The following SMG6 variants were observed in gnomAD, a reference collection of about 807,000 sequenced individuals.
SMG6 encodes the protein SMG6 nonsense mediated mRNA decay factor.
A neutral mutation model predicts 142.2 loss-of-function variants in SMG6; 66 were observed. The ratio of observed to expected loss-of-function variants is 0.46; its 90% CI spans 0.38 to 0.57. The LOEUF is 0.57. Among genes scored for constraint, SMG6 ranks in the 20% least tolerant of loss-of-function variants. The pLI, the probability that SMG6 is intolerant of heterozygous loss-of-function variation, is 0.00. For missense variants in SMG6, 1,793 were observed against 1,832.0 expected, an observed-to-expected ratio of 0.98 and a Z score of 0.39; for synonymous variants, 779 against 702.4, an observed-to-expected ratio of 1.11 and a Z score of -1.72.
At chr17:2,250,130 GAGCA>G (rs879735400) in intron 8 of SMG6, among the ~76,000 whole-genome samples, 14 of 152,126 alleles carry the variant, frequency 9.2e-5, no homozygotes, top group Admixed American at 3.9e-4. Context: ...GGTGACTGTG[GAGCA>G]AGGAAGGAGA....
rs2069757592 is a variant in SMG6, at chr17:2,123,157, C to CGCCTTA, written c.3358-37257_3358-37256insTAAGGC. The stretch of plus-strand genomic sequence containing the variant: ...GCGTGTTGGCGGCTGCCTCAGGAAC[C>CGCCTTA]GCGCTGGCTAAGGGCTTCCCCAGGC... On this transcript the variant is annotated intron_variant, in intron 13 of 18. Transcript: ENST00000263073. Among the ~76,000 whole-genome samples the CGCCTTA allele has an allele frequency of 5.3e-5, 8 of 152,238 alleles. No homozygotes were observed. In the South Asian group the frequency reaches 6.2e-4, roughly 12 times the overall value.
At chr17:2,109,122 A>T (rs919601858) in intron 13 of SMG6, among the ~76,000 whole-genome samples, 2 of 152,116 alleles carry the variant, frequency 1.3e-5, no homozygotes, top group African/African-American at 4.8e-5. Flanking sequence ...GAACAGGAAG[A>T]TGTATTTTTC....
rs755146682 is a variant in SMG6, at chr17:2,300,047, C to T, written c.706G>A (p.Gly236Arg). 3.8e-5 allele frequency: 62 copies of T among 1,614,062 alleles called. 1 individual carries two copies. In the South Asian group the frequency reaches 5.5e-4, roughly 14 times the overall value. The change falls in exon 2 of 19, where the codon GGG becomes AGG. Residue 236 changes from glycine (G) to arginine (R), a missense_variant. Physicochemically the swap from Gly to Arg is moderately radical, Grantham distance 125 (BLOSUM62 -2). This residue lies in a region of SMG6 where 1,597 missense variants were observed against 1,584.6 expected (regional missense o/e 1.01). Transcript: ENST00000263073. Reference protein sequence around the residue: ...VRETHDDPARGRPGSAKRYSR... With the variant: ...VRETHDDPARRRPGSAKRYSR... ...TAGCGCTTTGCGGAGCCCGGCCTCC[C>T]GCGGGCTGGGTCGTCGTGGGTTTCC...
intron 15 of SMG6, among the ~76,000 whole-genome samples, chr17:2,073,438 C>G (rs1009469322): frequency 1.3e-5 from 2 of 151,856 alleles, no homozygotes; most frequent in African/African-American, 4.8e-5. Context: ...AGACCAGGCA[C>G]GGTGGCTCAC....
At position 2,212,866 on chromosome 17, in the gene SMG6, T is replaced by C. The variant is rs146153627; in HGVS notation, c.2869+23626A>G. 8 of 152,420 alleles carry C rather than the reference T, an allele frequency of 5.2e-5. No individual in the cohort carries two copies. In the East Asian group the frequency reaches 1.5e-3, roughly 29 times the overall value. The allele number at this position is 152,420 out of a possible 1,614,324, so 9.4% of individuals were successfully genotyped here. On this transcript the variant is annotated intron_variant, in intron 10 of 18. Coordinates refer to ENST00000263073, the MANE Select transcript of SMG6 (RefSeq NM_017575.5). Reference sequence around the variant, plus strand: ...CACAGCAATGCTTTCTGAGGTCACATGTGCATGACTCCAGTGGAATCTGCA... The same window carrying C: ...CACAGCAATGCTTTCTGAGGTCACACGTGCATGACTCCAGTGGAATCTGCA...
chr17:2,094,604 C>T (rs1362729355), intron 13 of SMG6, among the ~76,000 whole-genome samples: 2 of 152,132 alleles, frequency 1.3e-5, no homozygotes, highest in Admixed American at 6.5e-5. Flanking sequence ...TTGGCTACTC[C>T]GAACTCCTGG....
At chr17:2,111,955 C>T (rs963421733) in intron 13 of SMG6, among the ~76,000 whole-genome samples, 39 of 152,098 alleles carry the variant, frequency 2.6e-4, no homozygotes, top group Non-Finnish European at 4.7e-4. Flanking sequence ...ATTTAAACTT[C>T]CCTGGACCAC....
intron 13 of SMG6, among the ~76,000 whole-genome samples, chr17:2,098,035 C>A (rs886276460): frequency 6.6e-6 from 1 of 152,114 alleles, no homozygotes; most frequent in African/African-American, 2.4e-5. Flanking sequence ...GTCCCTCAGG[C>A]TGGAGTACAG....
chr17:2,302,605 G>A (rs934293999), intron 1 of SMG6, among the ~76,000 whole-genome samples: 6 of 152,180 alleles, frequency 3.9e-5, no homozygotes, highest in African/African-American at 1.4e-4. Context: ...AATATAAATG[G>A]AAACAAGCCC....
chr17:2,183,558 GAC>G (rs368350133), intron 12 of SMG6, among the ~76,000 whole-genome samples: 97 of 152,322 alleles, frequency 6.4e-4, no homozygotes, highest in African/African-American at 2.2e-3. Flanking sequence ...ATCAGCCATA[GAC>G]ACAGTGTAAA....
chr17:2,127,331 ACACTGTGAATGTACTTAATGC>A, intron 13 of SMG6: 1 of 476,926 alleles, frequency 2.1e-6, no homozygotes, highest in Non-Finnish European at 4.1e-6. Context: ...TGGTCGCACA[ACACTGTGAATGTACTTAATGC>A]CACTGAGTTG....
chr17:2,204,132 G>A (rs551183577), intron 10 of SMG6, among the ~76,000 whole-genome samples: 2 of 152,138 alleles, frequency 1.3e-5, no homozygotes, highest in African/African-American at 4.8e-5. Flanking sequence ...CCCAGCTAAG[G>A]ATTTTTAAAA....
intron 8 of SMG6, among the ~76,000 whole-genome samples, chr17:2,256,396 T>C (rs1473904590): frequency 6.6e-6 from 1 of 151,940 alleles, no homozygotes; most frequent in East Asian, 1.9e-4. Flanking sequence ...TGTCTTTAAG[T>C]CTCAGTGGTT....
intron 10 of SMG6, among the ~76,000 whole-genome samples, chr17:2,197,352 C>T (rs1183159290): frequency 1.3e-5 from 2 of 151,972 alleles, no homozygotes; most frequent in Admixed American, 6.6e-5. Flanking sequence ...TTGCTTGAGC[C>T]CAGGAGTCTG....
At chr17:2,258,651 T>G (rs754097842) in intron 8 of SMG6, among the ~76,000 whole-genome samples, 22 of 148,914 alleles carry the variant, frequency 1.5e-4, no homozygotes, top group Non-Finnish European at 2.8e-4. Flanking sequence ...AAAAAATAAT[T>G]AGCTGGGCGT....
chr17:2,127,202 A>G (rs2069925062), intron 13 of SMG6, among the ~76,000 whole-genome samples: 1 of 152,002 alleles, frequency 6.6e-6, no homozygotes, highest in South Asian at 2.1e-4. Context: ...GATACTTACA[A>G]TAGGGAAATG....
intron 13 of SMG6, among the ~76,000 whole-genome samples, chr17:2,155,317 T>C (rs1172876945): frequency 6.6e-6 from 1 of 152,132 alleles, no homozygotes; most frequent in Non-Finnish European, 1.5e-5. Context: ...CCGCCTCAGC[T>C]TTCCAAAGTG....
intron 10 of SMG6, among the ~76,000 whole-genome samples, chr17:2,210,058 G>A (rs1314590161): frequency 1.3e-5 from 2 of 152,124 alleles, no homozygotes; most frequent in African/African-American, 4.8e-5. Context: ...GAGAGAGGGG[G>A]TATAAAGACT....
chr17:2,297,965 A>T lies in SMG6; in HGVS notation c.1938T>A (p.Asn646Lys). ...ACTTCTCAATCACCTGATAGAAAGC[A>T]TTCTTCCACAGGATCTGATCCACAT... ...NQNVDQILWK[N>K]AFYQVIEKFR... The change falls in exon 3 of 19, where the codon AAT becomes AAA. Residue 646 changes from asparagine (N) to lysine (K), a missense_variant. By Grantham distance (94) the Asn-to-Lys change is moderately conservative. Around this residue, in one of 3 missense-constraint regions of SMG6, gnomAD observed 1,597 missense variants for 1,584.6 expected, o/e 1.01. Coordinates refer to ENST00000263073, the MANE Select transcript of SMG6 (RefSeq NM_017575.5). 1 of 1,613,542 alleles carries T rather than the reference A, an allele frequency of 6.2e-7. No homozygotes were observed. The highest frequency in any genetic ancestry group is 1.1e-5 in the South Asian group (1 of 91,080).
Sources: allele counts gnomAD v4.1 joint callset (sites outside exome capture counted in the v4.1 genomes callset), GRCh38; gene constraint gnomAD v4.1.1; regional missense constraint gnomAD v4.1.1; transcripts MANE v1.5; gene names NCBI Gene and HGNC (gene_info 2026-07-23, HGNC 2026-07-21).